The following MYO1D variants were observed in gnomAD, a reference collection of about 807,000 sequenced individuals.
MYO1D encodes the protein unconventional myosin-Id.
In MYO1D, 83 loss-of-function variants were observed where a neutral mutation model predicts 122.0. That is an observed-to-expected ratio of 0.68 (90% CI 0.57 to 0.82). MYO1D has a LOEUF of 0.82. Among genes scored for constraint, MYO1D ranks in the 40% least tolerant of loss-of-function variants. The pLI is 0.00. For missense variants in MYO1D, 1,157 were observed against 1,269.5 expected, an observed-to-expected ratio of 0.91 and a Z score of 1.35; for synonymous variants, 464 against 446.9, an observed-to-expected ratio of 1.04 and a Z score of -0.48.
intron 16 of MYO1D, among the ~76,000 whole-genome samples, chr17:32,708,111 T>G (rs557593966): frequency 2.6e-5 from 4 of 152,294 alleles, no homozygotes; most frequent in Admixed American, 2.0e-4. Flanking sequence ...CAAAACAGGA[T>G]AGTCTTGAGG....
intron 1 of MYO1D, among the ~76,000 whole-genome samples, chr17:32,789,643 G>C (rs1220350059): frequency 1.3e-5 from 2 of 152,178 alleles, no homozygotes; most frequent in African/African-American, 4.8e-5. Flanking sequence ...GTGAAATCAA[G>C]TTAGGAGGAG....
At chr17:32,876,047 A>G (rs1011821347) in intron 1 of MYO1D, among the ~76,000 whole-genome samples, 2 of 152,188 alleles carry the variant, frequency 1.3e-5, no homozygotes, top group African/African-American at 4.8e-5. Flanking sequence ...TGTTAATAAC[A>G]CAAGAGCTCC....
intron 21 of MYO1D, among the ~76,000 whole-genome samples, chr17:32,559,560 T>C (rs2150889099): frequency 6.6e-6 from 1 of 152,350 alleles, no homozygotes; most frequent in Admixed American, 6.5e-5. Context: ...ATACTCACTT[T>C]CTTTTTCTGT....
At chr17:32,743,609 T>G (rs1413256578) in intron 13 of MYO1D, among the ~76,000 whole-genome samples, 1 of 149,696 alleles carries the variant, frequency 6.7e-6, no homozygotes, top group Non-Finnish European at 1.5e-5. Context: ...TTATTATTAT[T>G]ATTGTTATTA....
At chr17:32,668,480 C>G (rs979459401) in intron 16 of MYO1D, among the ~76,000 whole-genome samples, 2 of 152,162 alleles carry the variant, frequency 1.3e-5, no homozygotes, top group Non-Finnish European at 2.9e-5. Flanking sequence ...GACTAGTTCT[C>G]TAGATTGCCA....
At chr17:32,607,290 A>G (rs1194635222) in intron 20 of MYO1D, among the ~76,000 whole-genome samples, 1 of 152,226 alleles carries the variant, frequency 6.6e-6, no homozygotes, top group Non-Finnish European at 1.5e-5. Context: ...TAATAAGCGC[A>G]TCTAGTAAGG....
At chr17:32,629,966 G>A (rs1225900061) in intron 20 of MYO1D, among the ~76,000 whole-genome samples, 1 of 152,206 alleles carries the variant, frequency 6.6e-6, no homozygotes, top group Non-Finnish European at 1.5e-5. Flanking sequence ...AGTGGATGGT[G>A]CAAGCCAGGT....
intron 20 of MYO1D, 56 bp downstream of exon 20, chr17:32,638,666 G>GGTCCATGA (rs1296836318): frequency 2.5e-6 from 3 of 1,210,638 alleles, no homozygotes; most frequent in Non-Finnish European, 3.6e-6. Flanking sequence ...ACCCATTAGT[G>GGTCCATGA]GTCCATGAGC....
intron 1 of MYO1D, among the ~76,000 whole-genome samples, chr17:32,824,269 T>C (rs1018699336): frequency 5.3e-5 from 8 of 152,156 alleles, no homozygotes; most frequent in African/African-American, 1.9e-4. Flanking sequence ...TGAAAGTTGG[T>C]AATAATTCTC....
Position 32,638,750 on chromosome 17 carries a change from T to C in MYO1D, c.2681A>G (p.Lys894Arg), listed in dbSNP as rs1280659439. ...GTATAGAGGGATAGTCTTCATCACCTTGTACTGTTTAGTGGGATCCATTTT... is the reference window on the plus strand; with the variant it reads ...GTATAGAGGGATAGTCTTCATCACCCTGTACTGTTTAGTGGGATCCATTTT... ...LYKMDPTKQY[K>R]VMKTIPLYNL... The change falls in exon 20 of 22, where the codon AAG (lysine) becomes AGG (arginine). Residue 894 changes from lysine to arginine, a missense_variant. Physicochemically the swap from Lys to Arg is conservative, Grantham distance 26. Transcript: ENST00000318217. 1.9e-6 allele frequency: 3 copies of C among 1,613,606 alleles called. No homozygotes were observed. Among genetic ancestry groups the C allele is most frequent in the South Asian group, 2.2e-5 (2 of 91,056 alleles).
intron 1 of MYO1D, among the ~76,000 whole-genome samples, chr17:32,819,091 T>C (rs918349235): frequency 1.3e-5 from 2 of 152,206 alleles, no homozygotes; most frequent in Non-Finnish European, 2.9e-5. Flanking sequence ...TTCACTTTAC[T>C]CTGAAAGCAT....
At chr17:32,689,985 C>T (rs947509463) in intron 16 of MYO1D, among the ~76,000 whole-genome samples, 2 of 152,166 alleles carry the variant, frequency 1.3e-5, no homozygotes, top group African/African-American at 4.8e-5. Flanking sequence ...CACAGTCTCC[C>T]AAAGTGTTGG....
At chr17:32,782,525 C>T (rs1291231784) in intron 1 of MYO1D, among the ~76,000 whole-genome samples, 2 of 152,154 alleles carry the variant, frequency 1.3e-5, no homozygotes, top group East Asian at 3.8e-4. Context: ...TAATAGTATG[C>T]TTCTGATTAT....
At chr17:32,737,407 C>A (rs1162544889) in intron 14 of MYO1D, among the ~76,000 whole-genome samples, 1 of 151,196 alleles carries the variant, frequency 6.6e-6, no homozygotes, top group Middle Eastern at 3.4e-3. Flanking sequence ...ATCACCCAGA[C>A]TGGAGTGTAG....
chr17:32,554,036 C>T (rs1004970280), intron 21 of MYO1D, among the ~76,000 whole-genome samples: 2 of 152,184 alleles, frequency 1.3e-5, no homozygotes, highest in African/African-American at 2.4e-5. Flanking sequence ...CTAATGGAAC[C>T]GTGATCTACC....
chr17:32,624,732 T>C (rs565178331), intron 20 of MYO1D, among the ~76,000 whole-genome samples: 2 of 151,300 alleles, frequency 1.3e-5, no homozygotes, highest in South Asian at 2.1e-4. Context: ...TGCTGTTTTT[T>C]CCCCCCTAAA....
At chr17:32,654,734 A>G (rs555765718) in intron 17 of MYO1D, 113 bp from the exon 18 acceptor site, 3 of 1,022,542 alleles carry the variant, frequency 2.9e-6, no homozygotes, top group East Asian at 5.8e-5. Flanking sequence ...GCTGGAGTGC[A>G]TGGCATGATC....
chr17:32,876,493 T>C (rs9890503), intron 1 of MYO1D, among the ~76,000 whole-genome samples: 14,346 of 151,914 alleles, frequency 0.094, 1,330 homozygotes, highest in African/African-American at 0.23. Context: ...CGGCACACCC[T>C]CTGCACCTAA....
At chr17:32,808,864 T>C (rs1215236876) in intron 1 of MYO1D, among the ~76,000 whole-genome samples, 2 of 152,172 alleles carry the variant, frequency 1.3e-5, no homozygotes, top group African/African-American at 4.8e-5. Flanking sequence ...ATTTCTGCCA[T>C]TTATAAGCTA....
Sources: gnomAD v4.1 joint callset for allele counts (sites outside exome capture counted in the v4.1 genomes callset) on GRCh38, gnomAD v4.1.1 for gene constraint, MANE v1.5 for transcripts, NCBI Gene and HGNC (gene_info 2026-07-23, HGNC 2026-07-21) for gene names.